The following LONRF3 variants were observed in gnomAD, a reference collection of about 807,000 sequenced individuals.
LONRF3 encodes LON peptidase N-terminal domain and ring finger 3, also known as LON peptidase N-terminal domain and RING finger protein 3.
A neutral mutation model predicts 51.7 loss-of-function variants in LONRF3; 19 were observed. The observed-to-expected ratio is 0.37, with a 90% CI of 0.26 to 0.54. LONRF3 has a LOEUF of 0.54. Among genes scored for constraint, LONRF3 ranks in the 20% least tolerant of loss-of-function variants. The pLI, the probability that LONRF3 is intolerant of heterozygous loss-of-function variation, is 0.86. For synonymous variants in LONRF3, 265 were observed against 257.8 expected (o/e 1.03, Z -0.27); for missense variants, 521 against 623.9 (o/e 0.84, Z 1.76).
At chrX:119,012,201 T>C (rs778751787) in intron 8 of LONRF3, among the ~76,000 whole-genome samples, 2 of 109,251 alleles carry the variant, frequency 1.8e-5, no homozygotes, top group African/African-American at 3.3e-5. Context: ...TGGTATATGT[T>C]ATAAAACTTG....
chrX:118,996,264 A>T (rs1923860662), intron 5 of LONRF3, among the ~76,000 whole-genome samples: 1 of 111,465 alleles, frequency 9.0e-6, no homozygotes, highest in Non-Finnish European at 1.9e-5. Flanking sequence ...CAAGACAAGG[A>T]TGCCCACTCT....
intron 2 of LONRF3, among the ~76,000 whole-genome samples, chrX:118,979,534 C>T (rs1286681137): frequency 9.3e-6 from 1 of 107,004 alleles, no homozygotes. Context: ...AAGCAATCCA[C>T]TTGCCTCAGT....
chrX:119,007,811 A>T (rs1924837095), intron 6 of LONRF3, among the ~76,000 whole-genome samples: 1 of 112,313 alleles, frequency 8.9e-6, no homozygotes, highest in South Asian at 3.7e-4. Flanking sequence ...GTAGGTGAGA[A>T]GTCCTTGATC....
chrX:118,985,292 C>T, intron 3 of LONRF3, among the ~76,000 whole-genome samples: 1 of 111,769 alleles, frequency 8.9e-6, no homozygotes. Context: ...TCCAAGGATA[C>T]TGCCTCCTCA....
At chrX:118,982,981 AC>A (rs2147270183) in intron 3 of LONRF3, 38 bp downstream of exon 3, 2 of 1,187,041 alleles carry the variant, frequency 1.7e-6, no homozygotes, top group East Asian at 6.1e-5. Flanking sequence ...TGCCTACTGG[AC>A]CCTCCCCTCT....
chrX:119,008,164 A>G (rs1164067834), intron 6 of LONRF3, among the ~76,000 whole-genome samples: 1 of 111,989 alleles, frequency 8.9e-6, no homozygotes, highest in Non-Finnish European at 1.9e-5. Flanking sequence ...ATTCTCATCT[A>G]TCTCTGTTTA....
At chrX:118,994,652 C>T (rs748028772) in intron 5 of LONRF3, among the ~76,000 whole-genome samples, 36 of 111,234 alleles carry the variant, frequency 3.2e-4, no homozygotes, top group Non-Finnish European at 3.2e-4. Flanking sequence ...CCACCCACCT[C>T]GGCCTCCCAA....
intron 2 of LONRF3, among the ~76,000 whole-genome samples, chrX:118,980,928 T>C (rs1287632103): frequency 8.9e-6 from 1 of 111,896 alleles, no homozygotes; most frequent in African/African-American, 3.3e-5. Context: ...CCCATAGTGA[T>C]GAAGTGAGAG....
chrX:118,989,303 T>G, intron 3 of LONRF3, 105 bp from the exon 4 acceptor site: 1 of 928,343 alleles, frequency 1.1e-6, no homozygotes, highest in Non-Finnish European at 1.5e-6. Flanking sequence ...GAGTTCGGGG[T>G]GGGGATCAGG....
At chrX:119,004,892 G>A (rs769313155) in intron 5 of LONRF3, among the ~76,000 whole-genome samples, 1 of 112,632 alleles carries the variant, frequency 8.9e-6, no homozygotes, top group East Asian at 2.8e-4. Flanking sequence ...GAGAATTATT[G>A]TTGTAATAGA....
chrX:119,003,031 G>A (rs375080896), intron 5 of LONRF3, among the ~76,000 whole-genome samples: 9 of 110,725 alleles, frequency 8.1e-5, no homozygotes, highest in African/African-American at 3.0e-4. Context: ...TGATCCACCC[G>A]CCTCAGCCTC....
chrX:118,978,569 G>T, intron 2 of LONRF3, 106 bp downstream of exon 2: 1 of 495,049 alleles, frequency 2.0e-6, no homozygotes. Context: ...AAGCAGAACA[G>T]GAAGAAGACT....
At chrX:118,986,247 T>G (rs922636700) in intron 3 of LONRF3, among the ~76,000 whole-genome samples, 1 of 111,622 alleles carries the variant, frequency 9.0e-6, no homozygotes, top group African/African-American at 3.3e-5. Flanking sequence ...GCCTAGTACT[T>G]AAACTTAACC....
intron 9 of LONRF3, 67 bp downstream of exon 9, chrX:119,013,268 T>C: frequency 9.3e-7 from 1 of 1,073,189 alleles, no homozygotes; most frequent in Non-Finnish European, 1.3e-6. Context: ...ACAAAGATAG[T>C]TGTGAAAGGA....
rs141656175 is a variant in LONRF3 at position 119,007,511 on chromosome X, T to C, written c.1530+1276T>C. ...TACAGATAAAGAAGACCTGAGAATCTATCTTGTTTTCCCTCCCTCAGGGAC... is the reference window on the plus strand; with the variant it reads ...TACAGATAAAGAAGACCTGAGAATCCATCTTGTTTTCCCTCCCTCAGGGAC... On this transcript the variant is annotated intron_variant, in intron 6 of 10. Transcript: ENST00000371628. Among the ~76,000 whole-genome samples, 797 of 112,482 alleles carry C rather than the reference T, an allele frequency of 7.1e-3. 4 individuals carry two copies. The highest frequency in any genetic ancestry group is 0.023 in the African/African-American group (725 of 30,941).
intron 10 of LONRF3, among the ~76,000 whole-genome samples, chrX:119,016,545 C>T (rs745743648): frequency 6.5e-4 from 72 of 110,584 alleles, no homozygotes; most frequent in African/African-American, 2.2e-3. Context: ...GATGGGGTTT[C>T]GTCGTGTTAG....
At chrX:119,008,307 G>C (rs1043755407) in intron 6 of LONRF3, among the ~76,000 whole-genome samples, 4 of 112,225 alleles carry the variant, frequency 3.6e-5, no homozygotes, top group African/African-American at 1.3e-4. Context: ...ATACTCAGGC[G>C]CTCCCCCTGC....
intron 3 of LONRF3, among the ~76,000 whole-genome samples, chrX:118,983,928 T>G (rs7054507): frequency 0.037 from 4,108 of 111,957 alleles, 165 homozygotes; most frequent in African/African-American, 0.12. Context: ...TGAATTGGTT[T>G]GAGTATGTGA....
intron 7 of LONRF3, among the ~76,000 whole-genome samples, chrX:119,010,001 A>T (rs763336518): frequency 9.1e-6 from 1 of 110,426 alleles, no homozygotes; most frequent in Non-Finnish European, 1.9e-5. Context: ...GAACTCCTGA[A>T]CTCAAGTGAT....
Sources: allele counts gnomAD v4.1 joint callset (sites outside exome capture counted in the v4.1 genomes callset), GRCh38; gene constraint gnomAD v4.1.1; transcripts MANE v1.5; gene names NCBI Gene and HGNC (gene_info 2026-07-23, HGNC 2026-07-21).